The following UBE2G1 variants were observed in gnomAD, a reference collection of about 807,000 sequenced individuals.
UBE2G1 encodes the protein ubiquitin-conjugating enzyme E2 G1.
In UBE2G1, 5 loss-of-function variants were observed where a neutral mutation model predicts 22.7. The observed-to-expected ratio is 0.22, with a 90% CI of 0.12 to 0.46. The LOEUF (loss-of-function observed/expected upper bound fraction) is 0.46. Among genes scored for constraint, UBE2G1 ranks in the 20% least tolerant of loss-of-function variants. The pLI, the probability that UBE2G1 is intolerant of heterozygous loss-of-function variation, is 0.99. For missense variants in UBE2G1, 88 were observed against 203.9 expected, an observed-to-expected ratio of 0.43 and a Z score of 3.46; for synonymous variants, 74 against 67.5, an observed-to-expected ratio of 1.10 and a Z score of -0.47.
chr17:4,357,755 A>G (rs8072296), intron 1 of UBE2G1, among the ~76,000 whole-genome samples: 68,401 of 151,702 alleles, frequency 0.45, 18,554 homozygotes, highest in African/African-American at 0.77. Context: ...CCAAGATCCC[A>G]CCACTGCACT....
intron 1 of UBE2G1, among the ~76,000 whole-genome samples, chr17:4,338,445 G>A (rs932663173): frequency 2.0e-5 from 3 of 152,064 alleles, no homozygotes; most frequent in South Asian, 2.1e-4. Context: ...AATAACTTCC[G>A]AAGATTCGCA....
intron 5 of UBE2G1, among the ~76,000 whole-genome samples, chr17:4,277,851 G>A (rs994500795): frequency 6.6e-6 from 1 of 151,830 alleles, no homozygotes; most frequent in African/African-American, 2.4e-5. Flanking sequence ...CCTTCAAGAA[G>A]AGACAGGTGA....
chr17:4,301,136 G>A (rs1339948281), intron 2 of UBE2G1, among the ~76,000 whole-genome samples: 2 of 152,116 alleles, frequency 1.3e-5, no homozygotes, highest in Non-Finnish European at 2.9e-5. Context: ...GCTGCCGTCT[G>A]CAATTTGCTC....
At chr17:4,276,152 C>T (rs12451452) in intron 5 of UBE2G1, among the ~76,000 whole-genome samples, 1 of 152,118 alleles carries the variant, frequency 6.6e-6, no homozygotes, top group Non-Finnish European at 1.5e-5. Context: ...CTAACCACCT[C>T]AAATTGAGTC....
intron 1 of UBE2G1, among the ~76,000 whole-genome samples, chr17:4,343,945 CAACAGATACA>C (rs1567528215): frequency 6.6e-6 from 1 of 152,072 alleles, no homozygotes; most frequent in Non-Finnish European, 1.5e-5. Context: ...TCCTCAGTTG[CAACAGATACA>C]AACTCTGGAG....
At chr17:4,356,548 A>G (rs1012166972) in intron 1 of UBE2G1, among the ~76,000 whole-genome samples, 5 of 152,042 alleles carry the variant, frequency 3.3e-5, no homozygotes, top group African/African-American at 7.2e-5. Flanking sequence ...GCAACCACAC[A>G]AGTTTAAATG....
chr17:4,364,159 G>A (rs1282543681), intron 1 of UBE2G1: 1 of 147,822 alleles, frequency 6.8e-6, no homozygotes, highest in African/African-American at 2.5e-5. Flanking sequence ...AGCTACTCGG[G>A]AGGCTGAGGC....
At chr17:4,355,909 A>G (rs1419004914) in intron 1 of UBE2G1, among the ~76,000 whole-genome samples, 3 of 148,182 alleles carry the variant, frequency 2.0e-5, no homozygotes, top group African/African-American at 7.4e-5. Context: ...CATGTTGGTC[A>G]GGCTGGTCTC....
intron 1 of UBE2G1, among the ~76,000 whole-genome samples, chr17:4,353,041 AC>A (rs1425392494): frequency 2.0e-5 from 3 of 152,084 alleles, no homozygotes; most frequent in Non-Finnish European, 4.4e-5. Flanking sequence ...ACACAGTGAA[AC>A]CCCGTCTCTA....
At chr17:4,272,661 G>T (rs1474164284) in intron 5 of UBE2G1, 145 bp from the exon 6 acceptor site, 2 of 186,050 alleles carry the variant, frequency 1.1e-5, no homozygotes, top group Non-Finnish European at 2.3e-5. Context: ...TATTATGGTA[G>T]CTCACAGCCA....
chr17:4,365,652 G>C (rs1970025111), intron 1 of UBE2G1, among the ~76,000 whole-genome samples: 1 of 152,194 alleles, frequency 6.6e-6, no homozygotes, highest in African/African-American at 2.4e-5. Context: ...CCCGTGCCAG[G>C]CGGAGGCAGG....
chr17:4,357,195 T>A (rs1969915520), intron 1 of UBE2G1, among the ~76,000 whole-genome samples: 1 of 152,112 alleles, frequency 6.6e-6, no homozygotes, highest in South Asian at 2.1e-4. Context: ...CATGATGAAA[T>A]CTCACACTGT....
chr17:4,305,114 G>GCCCA, intron 2 of UBE2G1, among the ~76,000 whole-genome samples: 1 of 151,674 alleles, frequency 6.6e-6, no homozygotes, highest in African/African-American at 2.4e-5. Context: ...CACCTCACCT[G>GCCCA]GCTAAATTTT....
chr17:4,348,029 A>C lies in UBE2G1; in HGVS notation c.46+18242T>G, dbSNP rs142721935. On this transcript the variant is annotated intron_variant, in intron 1 of 5. Coordinates refer to ENST00000396981, the MANE Select transcript of UBE2G1 (RefSeq NM_003342.5). The stretch of plus-strand genomic sequence containing the variant: ...AATAATAACCCTAGAATGGCCTCTA[A>C]ATGTTCAAGTGGTCTCACTTTAAAT... Among the ~76,000 whole-genome samples, 450 of 152,318 alleles carry C rather than the reference A, an allele frequency of 3.0e-3. 1 individual carries two copies. Among genetic ancestry groups the C allele is most frequent in the African/African-American group, 0.01 (422 of 41,570 alleles).
chr17:4,359,448 T>G (rs1472677815), intron 1 of UBE2G1, among the ~76,000 whole-genome samples: 1 of 152,252 alleles, frequency 6.6e-6, no homozygotes, highest in Non-Finnish European at 1.5e-5. Flanking sequence ...AAAATTAACT[T>G]GTTGCAAATC....
intron 1 of UBE2G1, among the ~76,000 whole-genome samples, chr17:4,315,935 G>C (rs927948560): frequency 4.0e-5 from 6 of 148,702 alleles, no homozygotes; most frequent in Non-Finnish European, 7.4e-5. Context: ...GCCTCTCCGA[G>C]TAGCTGGGAC....
intron 2 of UBE2G1, among the ~76,000 whole-genome samples, chr17:4,305,002 G>A (rs1309698719): frequency 6.7e-6 from 1 of 150,018 alleles, no homozygotes. Context: ...TGCCCAGGCT[G>A]GAGTGGGTGA....
intron 4 of UBE2G1, among the ~76,000 whole-genome samples, chr17:4,287,961 A>G (rs1416923839): frequency 6.6e-6 from 1 of 152,198 alleles, no homozygotes; most frequent in Non-Finnish European, 1.5e-5. Flanking sequence ...TTATATATGC[A>G]TAAACAATAA....
At chr17:4,286,001 T>G (rs948521282) in intron 4 of UBE2G1, among the ~76,000 whole-genome samples, 1 of 142,198 alleles carries the variant, frequency 7.0e-6, no homozygotes, top group Non-Finnish European at 1.5e-5. Context: ...AGGAGAGAGG[T>G]GGCTAAGAAA....
Sources: allele counts gnomAD v4.1 joint callset (sites outside exome capture counted in the v4.1 genomes callset), GRCh38; gene constraint gnomAD v4.1.1; transcripts MANE v1.5; gene names NCBI Gene and HGNC (gene_info 2026-07-23, HGNC 2026-07-21).